AKT3: variants seen among roughly 807,000 people sequenced by gnomAD.
AKT3 encodes the protein RAC-gamma serine/threonine-protein kinase.
Under a neutral mutation model 65.3 loss-of-function variants are expected in AKT3, and 15 were observed. That is an observed-to-expected ratio of 0.23 (90% CI 0.15 to 0.35). The LOEUF (loss-of-function observed/expected upper bound fraction) is 0.35. Among genes scored for constraint, AKT3 ranks in the 10% least tolerant of loss-of-function variants. The pLI is 1.00. For synonymous variants in AKT3, 206 were observed against 183.8 expected (o/e 1.12, Z -0.98); for missense variants, 243 against 576.5 (o/e 0.42, Z 5.92).
At chr1:243,730,579 T>G (rs1687492095) in intron 2 of AKT3, among the ~76,000 whole-genome samples, 1 of 152,204 alleles carries the variant, frequency 6.6e-6, no homozygotes, top group Middle Eastern at 3.2e-3. Context: ...CCTTCCTGCC[T>G]TCTGCCTGCA....
chr1:243,830,067 C>G (rs1042280669), intron 2 of AKT3, among the ~76,000 whole-genome samples: 1 of 152,140 alleles, frequency 6.6e-6, no homozygotes, highest in African/African-American at 2.4e-5. Context: ...GTGGGTTTCC[C>G]ATCTGTGGAT....
chr1:243,672,262 G>A (rs1383062446), intron 3 of AKT3, among the ~76,000 whole-genome samples: 2 of 152,194 alleles, frequency 1.3e-5, no homozygotes, highest in Non-Finnish European at 2.9e-5. Context: ...AAGGATAGCA[G>A]AAAGGAAGGC....
At chr1:243,726,766 C>T (rs931807565) in intron 2 of AKT3, among the ~76,000 whole-genome samples, 4 of 151,906 alleles carry the variant, frequency 2.6e-5, no homozygotes, top group Admixed American at 6.6e-5. Flanking sequence ...ATTTTTCTTG[C>T]TTTTTCTTGC....
At chr1:243,723,260 G>A (rs769023195) in intron 2 of AKT3, among the ~76,000 whole-genome samples, 6 of 152,140 alleles carry the variant, frequency 3.9e-5, no homozygotes, top group Non-Finnish European at 7.4e-5. Context: ...TAGCCTAGGA[G>A]TTTTCCTGAA....
chr1:243,505,139 G>A lies in AKT3; in HGVS notation c.*110C>T. 1 of 972,662 alleles carries A rather than the reference G, an allele frequency of 1.0e-6. No individual in the cohort carries two copies. The highest frequency in any genetic ancestry group is 1.5e-5 in the South Asian group (1 of 67,848). 60.3% of individuals were successfully genotyped at this position (972,662 alleles called of 1,614,324 possible). ...GGGGTGAGGACCCTTGGCTGGTCTG[G>A]GATGTCGGAAGGTGCCCCTGCTATG... On this transcript the variant is annotated 3_prime_UTR_variant, in exon 14 of 14. Coordinates refer to ENST00000673466, the MANE Select transcript of AKT3 (RefSeq NM_005465.7).
Position 243,666,749 on chromosome 1 carries a change from T to C in AKT3, c.173-1866A>G, listed in dbSNP as rs1404891246. ...AATACACCTAGACTACCCAACATCA[T>C]AGATTAGCCTAACCTACTTGAAACA... is the stretch of plus-strand genomic sequence containing the variant. On this transcript the variant is annotated intron_variant, in intron 3 of 13. Coordinates refer to ENST00000673466, the MANE Select transcript of AKT3 (RefSeq NM_005465.7). 4.6e-5 allele frequency among the ~76,000 whole-genome samples: 7 copies of C among 152,202 alleles called. No individual in the cohort carries two copies. In the South Asian group the frequency reaches 6.2e-4, roughly 13 times the overall value.
intron 5 of AKT3, among the ~76,000 whole-genome samples, chr1:243,644,709 T>A (rs1419680683): frequency 6.6e-6 from 1 of 152,162 alleles, no homozygotes; most frequent in Non-Finnish European, 1.5e-5. Context: ...TCCATAGAGG[T>A]ATTTTGAATT....
chr1:243,845,235 C>T (rs941561127), intron 1 of AKT3, among the ~76,000 whole-genome samples: 9 of 151,460 alleles, frequency 5.9e-5, no homozygotes, highest in Non-Finnish European at 1.2e-4. Context: ...AATGCAAGAC[C>T]ACCAGCCTCA....
chr1:243,665,432 G>A (rs1025013328), intron 3 of AKT3, among the ~76,000 whole-genome samples: 1 of 151,982 alleles, frequency 6.6e-6, no homozygotes, highest in Non-Finnish European at 1.5e-5. Context: ...TAGATTATAA[G>A]CTTTTTGACA....
intron 2 of AKT3, among the ~76,000 whole-genome samples, chr1:243,750,927 G>A (rs942287047): frequency 1.3e-5 from 2 of 151,902 alleles, no homozygotes; most frequent in East Asian, 3.8e-4. Flanking sequence ...AAGAAATAAT[G>A]TTTTTTAAAA....
At chr1:243,530,224 G>C (rs1014035618) in intron 12 of AKT3, among the ~76,000 whole-genome samples, 1 of 152,110 alleles carries the variant, frequency 6.6e-6, no homozygotes, top group African/African-American at 2.4e-5. Context: ...TTTGGGCAGA[G>C]AAAATCGGGT....
intron 4 of AKT3, among the ~76,000 whole-genome samples, chr1:243,663,962 C>T (rs953593608): frequency 1.3e-5 from 2 of 151,944 alleles, no homozygotes; most frequent in Admixed American, 6.6e-5. Context: ...TTGTCACTAC[C>T]CACTTTAGTA....
intron 8 of AKT3, among the ~76,000 whole-genome samples, chr1:243,606,128 G>A (rs1310746655): frequency 2.6e-5 from 4 of 152,184 alleles, no homozygotes; most frequent in African/African-American, 7.2e-5. Flanking sequence ...ACCCAGTCTC[G>A]GGCAGTTCAC....
intron 13 of AKT3, among the ~76,000 whole-genome samples, chr1:243,506,924 G>A (rs1248591507): frequency 6.6e-6 from 1 of 152,214 alleles, no homozygotes; most frequent in Non-Finnish European, 1.5e-5. Flanking sequence ...AGTAAAAACG[G>A]AAGGAGCTGG....
At chr1:243,699,230 T>C (rs1423747645) in intron 2 of AKT3, among the ~76,000 whole-genome samples, 4 of 151,836 alleles carry the variant, frequency 2.6e-5, no homozygotes, top group African/African-American at 4.8e-5. Flanking sequence ...CAAACCCAAA[T>C]TGCATCATAC....
chr1:243,798,150 G>A (rs999057450), intron 2 of AKT3, among the ~76,000 whole-genome samples: 6 of 148,394 alleles, frequency 4.0e-5, no homozygotes, highest in African/African-American at 1.5e-4. Flanking sequence ...CCAAAGTGCT[G>A]GGATTACAGG....
intron 5 of AKT3, among the ~76,000 whole-genome samples, chr1:243,639,449 C>T (rs1419347481): frequency 6.6e-6 from 1 of 152,166 alleles, no homozygotes; most frequent in African/African-American, 2.4e-5. Context: ...GTCACAAAGA[C>T]CCTGCTGGTA....
At chr1:243,761,619 G>T (rs184562974) in intron 2 of AKT3, among the ~76,000 whole-genome samples, 1 of 151,920 alleles carries the variant, frequency 6.6e-6, no homozygotes, top group African/African-American at 2.4e-5. Context: ...AATGAAATAG[G>T]CCAGTCACAA....
chr1:243,838,003 A>G (rs1237329483), intron 2 of AKT3, among the ~76,000 whole-genome samples: 2 of 152,186 alleles, frequency 1.3e-5, no homozygotes, highest in East Asian at 1.9e-4. Context: ...ACTAACATTA[A>G]TAAGTGAATT....
Sources: gnomAD v4.1 joint callset for allele counts (sites outside exome capture counted in the v4.1 genomes callset) on GRCh38, gnomAD v4.1.1 for gene constraint, MANE v1.5 for transcripts, NCBI Gene and HGNC (gene_info 2026-07-23, HGNC 2026-07-21) for gene names.